The following COG1 variants were observed in gnomAD, a reference collection of about 807,000 sequenced individuals.
The protein encoded by COG1 is component of oligomeric golgi complex 1, also known as conserved oligomeric Golgi complex subunit 1.
Under a neutral mutation model 102.2 loss-of-function variants are expected in COG1, and 61 were observed. That is an observed-to-expected ratio of 0.60 (90% CI 0.49 to 0.74). The LOEUF (loss-of-function observed/expected upper bound fraction) is 0.74. COG1 is among the 30% of genes least tolerant of loss of function. The pLI is 0.00. For synonymous variants in COG1, 454 were observed against 493.6 expected (o/e 0.92, Z 1.06); for missense variants, 1,164 against 1,232.1 (o/e 0.94, Z 0.83).
intron 1 of COG1, among the ~76,000 whole-genome samples, chr17:73,194,441 CAAAAAA>C (rs572388712): frequency 1.8e-5 from 1 of 54,970 alleles, no homozygotes; most frequent in Non-Finnish European, 3.3e-5. Flanking sequence ...GACTCTGTCT[CAAAAAA>C]AAAAAAAAAA....
In COG1 at chr17:73,208,372, G is replaced by A. The variant is rs1393439197; in HGVS notation, c.2864G>A (p.Arg955Lys). The A allele has an allele frequency of 5.6e-6, 9 of 1,613,996 alleles. No homozygotes were observed. Among genetic ancestry groups the A allele is most frequent in the Non-Finnish European group, 7.6e-6 (9 of 1,179,974 alleles). Residue 955 changes from arginine (R) to lysine (K), a missense_variant, in exon 14 of 14, where the codon AGA becomes AAA. By Grantham distance (26) the Arg-to-Lys change is conservative. Transcript: ENST00000299886. ...CCGACAGTTCCTGGCTCCTTGTTCA[G>A]ACAGCTTGTCAGTGAAGAAGACAAC... ...GDPTVPGSLF[R>K]QLVSEEDNTS...
chr17:73,208,283 C>CT (rs1224206843), intron 13 of COG1, 31 bp from the exon 14 acceptor site: 2 of 1,612,276 alleles, frequency 1.2e-6, no homozygotes, highest in East Asian at 2.2e-5. Flanking sequence ...CAGGCCAACT[C>CT]TAAGGCACTT....
intron 11 of COG1, 71 bp from the exon 12 acceptor site, chr17:73,206,632 ACTAAC>A (rs1211814333): frequency 2.1e-6 from 2 of 938,114 alleles, no homozygotes; most frequent in African/African-American, 1.7e-5. Context: ...GCGATGGGTG[ACTAAC>A]CTTTTTTTTT....
At chr17:73,203,494 C>A in intron 8 of COG1, 138 bp from the exon 9 acceptor site, 2 of 1,039,350 alleles carry the variant, frequency 1.9e-6, no homozygotes, top group Admixed American at 1.9e-5. Flanking sequence ...GTCTGCTGAA[C>A]AGTCTGCCTG....
In COG1 at chr17:73,201,915, T is replaced by C. The variant is rs1327920039; in HGVS notation, c.2073+15T>C. The C allele has an allele frequency of 6.2e-7, 1 of 1,612,102 alleles. No individual in the cohort carries two copies. ...CAGTTGTGAAAGTGAGTGATGTAAT[T>C]TCTTATCCCTGTCTTGTCTCACTTC... On this transcript the variant is annotated intron_variant, in intron 7 of 13. Coordinates refer to ENST00000299886, the MANE Select transcript of COG1 (RefSeq NM_018714.3).
intron 7 of COG1, among the ~76,000 whole-genome samples, chr17:73,202,189 A>T (rs2061349904): frequency 2.0e-5 from 3 of 151,910 alleles, no homozygotes; most frequent in South Asian, 4.1e-4. Context: ...AATACAAAAA[A>T]TTAGCCGGGC....
Position 73,201,636 on chromosome 17 carries a change from C to A in COG1, c.1809C>A (p.Leu603=). Reference sequence around the variant, plus strand: ...GTGTGCAAGGGCAACAGGATGCCCTCAACAGTGCCAAGCTGCACTCAGTTC... The same window carrying A: ...GTGTGCAAGGGCAACAGGATGCCCTAAACAGTGCCAAGCTGCACTCAGTTC... The part of the protein sequence containing the change: ...EEGVQGQQDA[L]NSAKLHSVLF... Residue 603 remains leucine, a synonymous_variant, in exon 7 of 14, where the codon CTC becomes CTA. Coordinates refer to ENST00000299886, the MANE Select transcript of COG1 (RefSeq NM_018714.3). 1 of 1,614,222 alleles carries A rather than the reference C, an allele frequency of 6.2e-7. No individual in the cohort carries two copies. Among genetic ancestry groups the A allele is most frequent in the Non-Finnish European group, 8.5e-7 (1 of 1,180,044 alleles).
intron 1 of COG1, 35 bp from the exon 2 acceptor site, chr17:73,196,472 G>T: frequency 1.2e-6 from 2 of 1,613,858 alleles, no homozygotes; most frequent in Non-Finnish European, 1.7e-6. Context: ...GCTTTTGTTC[G>T]TTCTTCTGGT....
At chr17:73,205,746 G>GGAA in intron 10 of COG1, 66 bp downstream of exon 10, 1 of 1,597,246 alleles carries the variant, frequency 6.3e-7, no homozygotes, top group South Asian at 1.1e-5. Context: ...CCCTTTGCTG[G>GGAA]GAAGCCACCA....
intron 1 of COG1, among the ~76,000 whole-genome samples, chr17:73,195,557 T>A (rs1374574439): frequency 6.9e-6 from 1 of 145,614 alleles, no homozygotes; most frequent in African/African-American, 2.6e-5. Flanking sequence ...AAGGCTGCAG[T>A]GAGCCATGAT....
chr17:73,200,523 A>C, intron 5 of COG1, 43 bp from the exon 6 acceptor site: 1 of 1,511,832 alleles, frequency 6.6e-7, no homozygotes, highest in Non-Finnish European at 9.2e-7. Flanking sequence ...AGATGTGAAC[A>C]CCATGCCTCT....
intron 1 of COG1, among the ~76,000 whole-genome samples, chr17:73,196,094 CCTT>C (rs1274120552): frequency 2.0e-5 from 3 of 152,310 alleles, no homozygotes; most frequent in Non-Finnish European, 4.4e-5. Flanking sequence ...CTGGTGAGGG[CCTT>C]CTTGCTGTAT....
chr17:73,200,881 C>T lies in COG1; in HGVS notation c.1281+105C>T, dbSNP rs760806258. Reference sequence around the variant, plus strand: ...GCTTCCCAAGTATATTCTTTTCCTGCTTAGTAACAGATCCAGAGTCTAGAG... The same window carrying T: ...GCTTCCCAAGTATATTCTTTTCCTGTTTAGTAACAGATCCAGAGTCTAGAG... On this transcript the variant is annotated intron_variant, in intron 6 of 13. Coordinates refer to ENST00000299886, the MANE Select transcript of COG1 (RefSeq NM_018714.3). The T allele has an allele frequency of 2.7e-6, 3 of 1,117,220 alleles. No homozygotes were observed. In the South Asian group the frequency reaches 3.8e-5, roughly 14 times the overall value. The allele number at this position is 1,117,220 out of a possible 1,614,324, so 69.2% of individuals were successfully genotyped here.
At position 73,201,523 on chromosome 17, in the gene COG1, G is replaced by C; in HGVS notation, c.1696G>C (p.Val566Leu). 1 of 1,614,248 alleles carries C rather than the reference G, an allele frequency of 6.2e-7. No individual in the cohort carries two copies. Among genetic ancestry groups the C allele is most frequent in the Non-Finnish European group, 8.5e-7 (1 of 1,180,050 alleles). Residue 566 changes from valine to leucine, a missense_variant, in exon 7 of 14, where the codon GTG (valine) becomes CTG (leucine). Coordinates refer to ENST00000299886, the MANE Select transcript of COG1 (RefSeq NM_018714.3). Reference protein sequence around the residue: ...AFDRYADAGTVQEMLRTQSVA... With the variant: ...AFDRYADAGTLQEMLRTQSVA... ...TGACAGATACGCAGATGCGGGGACC[G>C]TGCAGGAGATGCTGCGGACTCAGTC...
chr17:73,205,455 A>G, intron 9 of COG1, 98 bp from the exon 10 acceptor site: 5 of 1,301,362 alleles, frequency 3.8e-6, no homozygotes, highest in East Asian at 2.3e-5. Flanking sequence ...TGCTTCTGAA[A>G]TAGCAAGCTG....
chr17:73,195,739 CCT>C (rs1241648319), intron 1 of COG1, among the ~76,000 whole-genome samples: 1 of 152,148 alleles, frequency 6.6e-6, no homozygotes, highest in African/African-American at 2.4e-5. Context: ...ATGGTAAAAC[CCT>C]GTCTCTACTG....
intron 13 of COG1, 157 bp downstream of exon 13, chr17:73,207,413 T>TC: frequency 1.3e-6 from 1 of 784,178 alleles, no homozygotes; most frequent in Non-Finnish European, 2.2e-6. Context: ...GTACAAGGTT[T>TC]TACTAGCTTG....
Position 73,193,140 on chromosome 17 carries a change from C to A in COG1, c.71C>A (p.Thr24Lys). Residue 24 changes from threonine (T) to lysine (K), a missense_variant, in exon 1 of 14, where the codon ACG becomes AAG. Transcript: ENST00000299886. ...CGCGACCCTGCGGCTCTTTTCGAGACGCATGGAGCGGAGGAGATCCGCGGG... is the reference window on the plus strand; with the variant it reads ...CGCGACCCTGCGGCTCTTTTCGAGAAGCATGGAGCGGAGGAGATCCGCGGG... ...DLRDPAALFE[T>K]HGAEEIRGLE... 6.2e-7 allele frequency: 1 copy of A among 1,610,288 alleles called. No homozygotes were observed.
At chr17:73,207,741 T>C in intron 13 of COG1, 1 of 1,291,632 alleles carries the variant, frequency 7.7e-7, no homozygotes, top group Non-Finnish European at 1.0e-6. Flanking sequence ...TCCTCCTGGG[T>C]ATTTCTGAAT....
Sources: gnomAD v4.1 joint callset for allele counts (sites outside exome capture counted in the v4.1 genomes callset) on GRCh38, gnomAD v4.1.1 for gene constraint, MANE v1.5 for transcripts, NCBI Gene and HGNC (gene_info 2026-07-23, HGNC 2026-07-21) for gene names.